KRT72: variants seen among roughly 807,000 people sequenced by gnomAD.
KRT72 encodes the protein keratin 72, also known as keratin, type II cytoskeletal 72.
A neutral mutation model predicts 44.7 loss-of-function variants in KRT72; 44 were observed. That is an observed-to-expected ratio of 0.98 (90% CI 0.77 to 1.27). The LOEUF is 1.27. Among genes scored for constraint, KRT72 ranks in the 50% most tolerant of loss-of-function variants. KRT72 has a pLI of 0.00. For missense variants in KRT72, 736 were observed against 667.1 expected (o/e 1.10, Z -1.14); for synonymous variants, 302 against 280.4 (o/e 1.08, Z -0.77).
At chr12:52,601,574 C>T, upstream of KRT72, 2 of 965,822 alleles carry the variant, frequency 2.1e-6, no homozygotes, top group South Asian at 1.5e-5. Flanking sequence ...ATTTGTATGT[C>T]GACAACACCT....
At chr12:52,597,367 G>T (rs1940259024) in intron 2 of KRT72, among the ~76,000 whole-genome samples, 1 of 152,162 alleles carries the variant, frequency 6.6e-6, no homozygotes, top group East Asian at 1.9e-4. Flanking sequence ...ATTCAACAAT[G>T]ACATATGATT....
intron 6 of KRT72, among the ~76,000 whole-genome samples, chr12:52,589,281 G>A (rs1302882508): frequency 6.6e-6 from 1 of 152,174 alleles, no homozygotes; most frequent in Non-Finnish European, 1.5e-5. Flanking sequence ...ATCCTCCTCT[G>A]CTGGGCAGGC....
rs547916621 is a variant in KRT72, at chr12:52,591,088, C to T, written c.964-127G>A. ...ATCCTCAGGTTCTCAAACATGAGAG[C>T]CTTGGCAGAGTGTGAATTTCCTATC... is the stretch of plus-strand genomic sequence containing the variant. On this transcript the variant is annotated intron_variant, in intron 5 of 8. Transcript: ENST00000293745. 3.3e-5 allele frequency: 31 copies of T among 942,424 alleles called. No individual in the cohort carries two copies. In the South Asian group the frequency reaches 8.3e-4, roughly 25 times the overall value. The allele number at this position is 942,424 out of a possible 1,614,324, so 58.4% of individuals were successfully genotyped here.
chr12:52,601,506 C>G, upstream of KRT72: 1 of 1,515,002 alleles, frequency 6.6e-7, no homozygotes, highest in Non-Finnish European at 8.8e-7. Flanking sequence ...CGCAAACAGC[C>G]GCTGCGTTCT....
Position 52,601,228 on chromosome 12 carries a change from C to T in KRT72, c.225G>A (p.Val75=), listed in dbSNP as rs751733720. 5.0e-6 allele frequency: 8 copies of T among 1,598,584 alleles called. No individual in the cohort carries two copies. The highest frequency in any genetic ancestry group is 3.5e-5 in the Admixed American group (2 of 57,760). The change falls in exon 1 of 9, where the codon GTG becomes GTA. Residue 75 remains valine (V), a synonymous_variant. Coordinates refer to ENST00000293745, the MANE Select transcript of KRT72 (RefSeq NM_080747.3). ...RRGGGRLGGF[V]GTAFGSAGLG... ...GCCCGGCGCTGCCGAAGGCGGTGCC[C>T]ACGAAGCCGCCCAGGCGGCCGCCGC... is the stretch of plus-strand genomic sequence containing the variant.
chr12:52,587,870 C>T lies in KRT72; in HGVS notation c.1090-19G>A, dbSNP rs1235031803. On this transcript the variant is annotated intron_variant, in intron 6 of 8. Coordinates refer to ENST00000293745, the MANE Select transcript of KRT72 (RefSeq NM_080747.3). Reference sequence around the variant, plus strand: ...CGGCACACTGAGGGGCAAACAGATCCAGCACTTAAGAGTCAGAGCCCAGTT... The same window carrying T: ...CGGCACACTGAGGGGCAAACAGATCTAGCACTTAAGAGTCAGAGCCCAGTT... The T allele has an allele frequency of 6.2e-7, 1 of 1,609,990 alleles. No homozygotes were observed. The highest frequency in any genetic ancestry group is 2.2e-5 in the East Asian group (1 of 44,848).
chr12:52,602,763 T>C (rs758664190), upstream of KRT72, among the ~76,000 whole-genome samples: 15 of 152,250 alleles, frequency 9.9e-5, no homozygotes, highest in African/African-American at 9.6e-5. Context: ...CCTTCAGTGA[T>C]ACCCTGAAGG....
In KRT72 at chr12:52,601,200, C is replaced by T. The variant is rs767110728; in HGVS notation, c.253G>A (p.Gly85Arg). The change falls in exon 1 of 9, where the codon GGG (glycine) becomes AGG (arginine). Residue 85 changes from glycine to arginine, a missense_variant. Gly to Arg is a moderately radical substitution (Grantham distance 125). Coordinates refer to ENST00000293745, the MANE Select transcript of KRT72 (RefSeq NM_080747.3). Reference protein sequence around the residue: ...VGTAFGSAGLGPKCPSVCPPG... With the variant: ...VGTAFGSAGLRPKCPSVCPPG... ...GGGCACACGGAGGGACACTTGGGCCCCAGCCCGGCGCTGCCGAAGGCGGTG... is the reference window on the plus strand; with the variant it reads ...GGGCACACGGAGGGACACTTGGGCCTCAGCCCGGCGCTGCCGAAGGCGGTG... 10 of 1,611,622 alleles carry T rather than the reference C, an allele frequency of 6.2e-6. No homozygotes were observed. The highest frequency in any genetic ancestry group is 7.6e-6 in the Non-Finnish European group (9 of 1,178,800).
chr12:52,591,557 C>G lies in KRT72; in HGVS notation c.870G>C (p.Leu290=). Reference sequence around the variant, plus strand: ...CCTCGGCAATGATGCTGTCCAGGTCCAGATCCCGGTTGTTGTCCATTGACA... The same window carrying G: ...CCTCGGCAATGATGCTGTCCAGGTCGAGATCCCGGTTGTTGTCCATTGACA... ...IVLSMDNNRD[L]DLDSIIAEVR... The change falls in exon 5 of 9, where the codon CTG becomes CTC. Residue 290 remains leucine, a synonymous_variant. Coordinates refer to ENST00000293745, the MANE Select transcript of KRT72 (RefSeq NM_080747.3). 6.2e-7 allele frequency: 1 copy of G among 1,614,050 alleles called. No homozygotes were observed. The highest frequency in any genetic ancestry group is 8.5e-7 in the Non-Finnish European group (1 of 1,179,936).
In KRT72 at chr12:52,587,709, TG is replaced by T; in HGVS notation, c.1231del (p.Gln411ArgfsTer4). ...EELARMLREYQELVSLKLALD... is the reference protein window; with the variant it reads ...EELARMLREYXELVSLKLALD... ...GGCCAGCTTCAGGCTCACGAGCTCC[TG>T]GTACTCACGCAGCATCCGTGCCAGC... On this transcript the variant is annotated frameshift_variant, in exon 7 of 9. Transcript: ENST00000293745. LOFTEE classifies it high-confidence loss of function. 2 of 1,614,198 alleles carry T rather than the reference TG, an allele frequency of 1.2e-6. No homozygotes were observed. Among genetic ancestry groups the T allele is most frequent in the South Asian group, 1.1e-5 (1 of 91,086 alleles).
intron 6 of KRT72, among the ~76,000 whole-genome samples, chr12:52,589,018 T>A (rs1352186736): frequency 3.5e-5 from 5 of 143,720 alleles, no homozygotes; most frequent in South Asian, 2.3e-4. Context: ...ATATATATAT[T>A]AATTAATTAA....
At chr12:52,590,467 C>G (rs1363418053) in intron 6 of KRT72, among the ~76,000 whole-genome samples, 1 of 152,216 alleles carries the variant, frequency 6.6e-6, no homozygotes, top group Admixed American at 6.5e-5. Flanking sequence ...TCCCTGCCAC[C>G]CCTGCTGAGC....
At chr12:52,600,579 T>C (rs2120818906) in intron 1 of KRT72, among the ~76,000 whole-genome samples, 1 of 152,278 alleles carries the variant, frequency 6.6e-6, no homozygotes, top group South Asian at 2.1e-4. Flanking sequence ...TGAATAAGTA[T>C]CACGAGATCT....
Position 52,591,449 on chromosome 12 carries a change from C to T in KRT72, c.963+15G>A, listed in dbSNP as rs1276792812. On this transcript the variant is annotated intron_variant, in intron 5 of 8. Transcript: ENST00000293745. ...CTGTGGCCAGTGGGACTCAGCACAC[C>T]TGGCACCAGCTCACCTTGGTCTGGT... 4.3e-6 allele frequency: 7 copies of T among 1,611,054 alleles called. No homozygotes were observed. The highest frequency in any genetic ancestry group is 1.3e-5 in the African/African-American group (1 of 74,876).
chr12:52,590,259 C>T (rs537384679), intron 6 of KRT72, among the ~76,000 whole-genome samples: 2 of 152,330 alleles, frequency 1.3e-5, no homozygotes, highest in East Asian at 3.9e-4. Flanking sequence ...CAGGAAGGCC[C>T]CACGCTAGTG....
intron 7 of KRT72, 68 bp from the exon 8 acceptor site, chr12:52,587,048 T>C: frequency 1.4e-6 from 2 of 1,459,814 alleles, no homozygotes; most frequent in Non-Finnish European, 1.9e-6. Context: ...GGAAGTCACC[T>C]CTGTGAATAA....
chr12:52,595,574 G>T (rs912706340), intron 2 of KRT72, among the ~76,000 whole-genome samples: 2 of 152,058 alleles, frequency 1.3e-5, no homozygotes, highest in Admixed American at 1.3e-4. Flanking sequence ...GAAGCTAGAG[G>T]GCAGATATTT....
intron 6 of KRT72, among the ~76,000 whole-genome samples, chr12:52,589,686 C>A (rs537347993): frequency 1.7e-3 from 257 of 152,254 alleles, no homozygotes; most frequent in African/African-American, 6.0e-3. Flanking sequence ...GCAGGAAGCA[C>A]CTTAGCTGAG....
upstream of KRT72, chr12:52,601,489 G>GA (rs150944118): frequency 0.056 from 86,347 of 1,529,882 alleles, 2,944 homozygotes; most frequent in African/African-American, 0.13. Flanking sequence ...GCGGGAGGCA[G>GA]AAGGGGCGCA....
Sources: gnomAD v4.1 joint callset for allele counts (sites outside exome capture counted in the v4.1 genomes callset) on GRCh38, gnomAD v4.1.1 for gene constraint, MANE v1.5 for transcripts, NCBI Gene and HGNC (gene_info 2026-07-23, HGNC 2026-07-21) for gene names.